SUCLG2: variants seen among roughly 807,000 people sequenced by gnomAD.
The protein encoded by SUCLG2 is succinate-CoA ligase GDP-forming subunit beta, also known as succinate--CoA ligase [GDP-forming] subunit beta, mitochondrial.
A neutral mutation model predicts 47.9 loss-of-function variants in SUCLG2; 42 were observed. That is an observed-to-expected ratio of 0.88 (90% CI 0.69 to 1.14). SUCLG2 has a LOEUF of 1.14. Among genes scored for constraint, SUCLG2 ranks in the 50% most tolerant of loss-of-function variants. SUCLG2 has a pLI of 0.00. For synonymous variants in SUCLG2, 195 were observed against 197.3 expected (o/e 0.99, Z 0.10); for missense variants, 571 against 525.9 (o/e 1.09, Z -0.84).
chr3:67,624,226 T>C (rs55706427), intron 1 of SUCLG2, among the ~76,000 whole-genome samples: 8,727 of 152,300 alleles, frequency 0.057, 342 homozygotes, highest in African/African-American at 0.11. Context: ...CTCACAAGTT[T>C]GCCTGTCACA....
intron 10 of SUCLG2, among the ~76,000 whole-genome samples, chr3:67,394,487 A>G (rs1266171639): frequency 6.7e-6 from 1 of 148,836 alleles, no homozygotes; most frequent in African/African-American, 2.5e-5. Context: ...GAATAAAAAG[A>G]AATGAACAAA....
At chr3:67,443,515 G>C (rs1282674844) in intron 9 of SUCLG2, among the ~76,000 whole-genome samples, 2 of 69,766 alleles carry the variant, frequency 2.9e-5, no homozygotes, top group African/African-American at 5.1e-5. Context: ...GCCGCCCATC[G>C]TCTGGGATGT....
At chr3:67,476,736 A>T (rs988980306) in intron 9 of SUCLG2, among the ~76,000 whole-genome samples, 1 of 152,174 alleles carries the variant, frequency 6.6e-6, no homozygotes, top group Admixed American at 6.5e-5. Flanking sequence ...GTCTCATAAT[A>T]TTCTCCTAAC....
chr3:67,623,126 C>T (rs1700763329), intron 1 of SUCLG2, among the ~76,000 whole-genome samples: 1 of 152,004 alleles, frequency 6.6e-6, no homozygotes, highest in Non-Finnish European at 1.5e-5. Context: ...TGTCATTCCC[C>T]CCACCCACTC....
At chr3:67,490,816 T>A (rs996764384) in intron 9 of SUCLG2, among the ~76,000 whole-genome samples, 1 of 152,138 alleles carries the variant, frequency 6.6e-6, no homozygotes. Flanking sequence ...TTCAAATGGC[T>A]AATAAATACA....
chr3:67,545,153 G>A (rs193213927), intron 2 of SUCLG2, among the ~76,000 whole-genome samples: 56 of 152,112 alleles, frequency 3.7e-4, no homozygotes, highest in African/African-American at 1.3e-3. Context: ...TAAAGTATAC[G>A]CTCCCCTCCT....
intron 1 of SUCLG2, among the ~76,000 whole-genome samples, chr3:67,643,130 C>A (rs1164221894): frequency 6.6e-6 from 1 of 152,160 alleles, no homozygotes; most frequent in Non-Finnish European, 1.5e-5. Context: ...ATCATAAAAA[C>A]ACACTAAACA....
chr3:67,559,116 T>G (rs1707238590), intron 2 of SUCLG2, among the ~76,000 whole-genome samples: 1 of 152,154 alleles, frequency 6.6e-6, no homozygotes, highest in Admixed American at 6.5e-5. Context: ...GCTGAAAACA[T>G]GACTAAATCT....
chr3:67,629,324 A>T (rs1257900391), intron 1 of SUCLG2, among the ~76,000 whole-genome samples: 1 of 152,238 alleles, frequency 6.6e-6, no homozygotes, highest in East Asian at 1.9e-4. Flanking sequence ...TCCAGATGCC[A>T]GCTGCAAACA....
intron 10 of SUCLG2, among the ~76,000 whole-genome samples, chr3:67,398,338 AC>A (rs1301230305): frequency 6.6e-6 from 1 of 150,996 alleles, no homozygotes; most frequent in East Asian, 1.9e-4. Context: ...AAAACAAACA[AC>A]CCCATCAAAA....
At chr3:67,574,749 C>T (rs1707699510) in intron 2 of SUCLG2, among the ~76,000 whole-genome samples, 1 of 152,084 alleles carries the variant, frequency 6.6e-6, no homozygotes, top group Non-Finnish European at 1.5e-5. Context: ...CTTCAAATGG[C>T]ACTACTAGAA....
At chr3:67,549,773 T>G (rs1706963302) in intron 2 of SUCLG2, among the ~76,000 whole-genome samples, 1 of 152,152 alleles carries the variant, frequency 6.6e-6, no homozygotes, top group African/African-American at 2.4e-5. Context: ...AATCTATAAC[T>G]GAGGATAAAT....
chr3:67,372,061 G>C (rs1376537929), downstream of SUCLG2, among the ~76,000 whole-genome samples: 1 of 152,138 alleles, frequency 6.6e-6, no homozygotes, highest in African/African-American at 2.4e-5. Context: ...GAGCTATACT[G>C]TCCAATATGG....
chr3:67,634,742 G>C (rs1266195077), intron 1 of SUCLG2, among the ~76,000 whole-genome samples: 5 of 152,164 alleles, frequency 3.3e-5, no homozygotes, highest in Admixed American at 2.6e-4. Context: ...CAGTAAACTT[G>C]ACAGGGCACA....
chr3:67,384,719 ACAATGG>A (rs1702225503), intron 10 of SUCLG2, among the ~76,000 whole-genome samples: 1 of 152,234 alleles, frequency 6.6e-6, no homozygotes, highest in African/African-American at 2.4e-5. Context: ...CTTTGAATTG[ACAATGG>A]CAAATATTGG....
At chr3:67,573,446 C>A (rs965648851) in intron 2 of SUCLG2, among the ~76,000 whole-genome samples, 1 of 152,228 alleles carries the variant, frequency 6.6e-6, no homozygotes, top group African/African-American at 2.4e-5. Flanking sequence ...CACCATGTTT[C>A]TGACATATAT....
chr3:67,458,444 A>G (rs1023193351), intron 9 of SUCLG2, among the ~76,000 whole-genome samples: 1 of 152,190 alleles, frequency 6.6e-6, no homozygotes, highest in Non-Finnish European at 1.5e-5. Context: ...ACAATTCTGT[A>G]TATTATCAAA....
intron 2 of SUCLG2, among the ~76,000 whole-genome samples, chr3:67,545,149 A>G (rs1403047757): frequency 6.6e-6 from 1 of 152,184 alleles, no homozygotes; most frequent in Admixed American, 6.5e-5. Context: ...ATAATAAAGT[A>G]TACGCTCCCC....
intron 2 of SUCLG2, among the ~76,000 whole-genome samples, chr3:67,551,527 G>A (rs1287415686): frequency 6.6e-6 from 1 of 152,130 alleles, no homozygotes; most frequent in Non-Finnish European, 1.5e-5. Context: ...GCAGGCTGAG[G>A]CTTATATCAG....
Sources: gnomAD v4.1 joint callset for allele counts (sites outside exome capture counted in the v4.1 genomes callset) on GRCh38, gnomAD v4.1.1 for gene constraint, MANE v1.5 for transcripts, NCBI Gene and HGNC (gene_info 2026-07-23, HGNC 2026-07-21) for gene names.